Variants in PTPRD observed in about 807,000 individuals in gnomAD.
PTPRD encodes receptor-type tyrosine-protein phosphatase delta.
Under a neutral mutation model 214.5 loss-of-function variants are expected in PTPRD, and 34 were observed. That is an observed-to-expected ratio of 0.16 (90% CI 0.12 to 0.21). The LOEUF (loss-of-function observed/expected upper bound fraction) is 0.21, where lower values mean the gene tolerates loss of function less well. Among genes scored for constraint, PTPRD ranks in the 10% least tolerant of loss-of-function variants. PTPRD has a pLI of 1.00. For missense variants in PTPRD, 2,545 were observed against 2,398.7 expected (o/e 1.06, Z -1.27); for synonymous variants, 1,128 against 845.7 (o/e 1.33, Z -5.79).
chr9:10,449,088 C>T (rs2098819071), intron 2 of PTPRD, among the ~76,000 whole-genome samples: 1 of 149,816 alleles, frequency 6.7e-6, no homozygotes, highest in South Asian at 2.1e-4. Context: ...CTCTGATGCC[C>T]AGCCGAGGCT....
intron 3 of PTPRD, among the ~76,000 whole-genome samples, chr9:10,088,854 T>C (rs758102676): frequency 6.6e-6 from 1 of 151,684 alleles, no homozygotes. Context: ...TGTTGGGTGA[T>C]GGAAAAATTC....
At chr9:8,692,042 C>T (rs2097817146) in intron 12 of PTPRD, among the ~76,000 whole-genome samples, 1 of 152,180 alleles carries the variant, frequency 6.6e-6, no homozygotes, top group Admixed American at 6.5e-5. Flanking sequence ...AATTCCGACT[C>T]TGATGGTCTC....
At chr9:8,978,326 T>G (rs2099279729) in intron 11 of PTPRD, among the ~76,000 whole-genome samples, 1 of 152,114 alleles carries the variant, frequency 6.6e-6, no homozygotes, top group Non-Finnish European at 1.5e-5. Context: ...TGTAAGTCCC[T>G]TATCAGTTCT....
intron 9 of PTPRD, among the ~76,000 whole-genome samples, chr9:9,281,121 T>C (rs989316138): frequency 6.6e-6 from 1 of 151,174 alleles, no homozygotes; most frequent in African/African-American, 2.4e-5. Flanking sequence ...AAAGCAAACA[T>C]AGACCTAAAA....
intron 14 of PTPRD, among the ~76,000 whole-genome samples, chr9:8,529,764 T>C (rs532774998): frequency 6.6e-6 from 1 of 152,226 alleles, no homozygotes; most frequent in African/African-American, 2.4e-5. Context: ...TTATCCAAAT[T>C]AGAACATGGC....
intron 2 of PTPRD, among the ~76,000 whole-genome samples, chr9:10,504,652 G>C (rs2045283841): frequency 6.6e-6 from 1 of 152,044 alleles, no homozygotes; most frequent in African/African-American, 2.4e-5. Flanking sequence ...GAGGTAAACA[G>C]GACACTTCCT....
chr9:10,518,982 T>C (rs2051162555), intron 2 of PTPRD, among the ~76,000 whole-genome samples: 1 of 152,038 alleles, frequency 6.6e-6, no homozygotes, highest in Non-Finnish European at 1.5e-5. Context: ...ATTATTTTTT[T>C]AATGGTCAGA....
At chr9:9,157,699 CCTTTT>C (rs889626312) in intron 10 of PTPRD, among the ~76,000 whole-genome samples, 5 of 152,112 alleles carry the variant, frequency 3.3e-5, no homozygotes, top group African/African-American at 1.2e-4. Context: ...TATTTTCTTC[CCTTTT>C]CTTTTTTTTT....
chr9:9,268,514 T>A (rs1350162005), intron 9 of PTPRD, among the ~76,000 whole-genome samples: 1 of 151,088 alleles, frequency 6.6e-6, no homozygotes, highest in Non-Finnish European at 1.5e-5. Flanking sequence ...GAGAAAGGAA[T>A]CTTAAAATTC....
intron 9 of PTPRD, among the ~76,000 whole-genome samples, chr9:9,288,932 C>T (rs912611550): frequency 6.6e-6 from 1 of 151,842 alleles, no homozygotes; most frequent in Admixed American, 6.6e-5. Context: ...GAAGCACATG[C>T]TTTCTTCCCC....
intron 2 of PTPRD, among the ~76,000 whole-genome samples, chr9:10,425,374 A>C (rs1565951527): frequency 6.6e-6 from 1 of 151,998 alleles, no homozygotes; most frequent in African/African-American, 2.4e-5. Flanking sequence ...AGTCACCAGA[A>C]CATTCTCATT....
At chr9:9,084,170 A>G (rs570067536) in intron 10 of PTPRD, among the ~76,000 whole-genome samples, 2 of 152,364 alleles carry the variant, frequency 1.3e-5, no homozygotes, top group African/African-American at 4.8e-5. Context: ...CATCAATGAT[A>G]GACTGGATAA....
intron 4 of PTPRD, among the ~76,000 whole-genome samples, chr9:10,017,960 C>T (rs1379280209): frequency 6.6e-6 from 1 of 152,040 alleles, no homozygotes; most frequent in Non-Finnish European, 1.5e-5. Flanking sequence ...AGAGATCTCC[C>T]CCATGGTACA....
At chr9:10,122,571 G>C (rs114061912) in intron 3 of PTPRD, among the ~76,000 whole-genome samples, 1 of 152,046 alleles carries the variant, frequency 6.6e-6, no homozygotes, top group Non-Finnish European at 1.5e-5. Flanking sequence ...TGGAAGTTAT[G>C]TTTGCCTACT....
At chr9:9,849,892 T>G (rs901393928) in intron 5 of PTPRD, among the ~76,000 whole-genome samples, 2 of 152,044 alleles carry the variant, frequency 1.3e-5, no homozygotes, top group Admixed American at 1.3e-4. Context: ...ATAGTAAAAG[T>G]CAAGGAAGAG....
At chr9:9,031,816 T>A (rs2099606409) in intron 10 of PTPRD, among the ~76,000 whole-genome samples, 1 of 151,998 alleles carries the variant, frequency 6.6e-6, no homozygotes, top group Non-Finnish European at 1.5e-5. Context: ...CCTCATAGGA[T>A]AAATGGGACA....
intron 8 of PTPRD, among the ~76,000 whole-genome samples, chr9:9,566,437 T>G (rs1415866619): frequency 6.6e-6 from 1 of 152,026 alleles, no homozygotes; most frequent in East Asian, 1.9e-4. Context: ...TATTTCTCTC[T>G]GTACGTGCTT....
chr9:9,777,902 T>C (rs1432103211), intron 5 of PTPRD, among the ~76,000 whole-genome samples: 1 of 152,202 alleles, frequency 6.6e-6, no homozygotes, highest in Non-Finnish European at 1.5e-5. Flanking sequence ...AATGGGTTTA[T>C]ACATGAGTCA....
At chr9:8,413,598 A>T (rs2093687978) in intron 35 of PTPRD, among the ~76,000 whole-genome samples, 2 of 152,116 alleles carry the variant, frequency 1.3e-5, no homozygotes, top group Non-Finnish European at 2.9e-5. Context: ...CATTAATACC[A>T]TTAGTGCTTG....
Sources: allele counts gnomAD v4.1 joint callset (sites outside exome capture counted in the v4.1 genomes callset), GRCh38; gene constraint gnomAD v4.1.1; transcripts MANE v1.5; gene names NCBI Gene and HGNC (gene_info 2026-07-23, HGNC 2026-07-21).